The following PDSS1 variants were observed in gnomAD, a reference collection of about 807,000 sequenced individuals.
PDSS1 encodes all trans-polyprenyl-diphosphate synthase PDSS1.
Under a neutral mutation model 57.5 loss-of-function variants are expected in PDSS1, and 43 were observed. The observed-to-expected ratio is 0.75, with a 90% CI of 0.59 to 0.96. The LOEUF (loss-of-function observed/expected upper bound fraction) is 0.96, where lower values mean the gene tolerates loss of function less well. PDSS1 is among the 50% of genes least tolerant of loss of function. The pLI, the probability that PDSS1 is intolerant of heterozygous loss-of-function variation, is 0.00. For synonymous variants in PDSS1, 175 were observed against 191.3 expected (o/e 0.91, Z 0.70); for missense variants, 438 against 527.8 (o/e 0.83, Z 1.67).
At chr10:26,708,200 G>C (rs1564418720) in intron 4 of PDSS1, among the ~76,000 whole-genome samples, 1 of 152,158 alleles carries the variant, frequency 6.6e-6, no homozygotes, top group Non-Finnish European at 1.5e-5. Flanking sequence ...GCACTAAGTC[G>C]GTAATTTACT....
At chr10:26,733,321 CT>C (rs1373658777) in intron 8 of PDSS1, among the ~76,000 whole-genome samples, 1 of 152,152 alleles carries the variant, frequency 6.6e-6, no homozygotes, top group Non-Finnish European at 1.5e-5. Flanking sequence ...ATCTTAGCTT[CT>C]CTCGAAAGTT....
At chr10:26,704,076 C>A (rs1430184114) in intron 2 of PDSS1, among the ~76,000 whole-genome samples, 2 of 15,206 alleles carry the variant, frequency 1.3e-4, no homozygotes, top group Non-Finnish European at 2.8e-4. Context: ...AACGAGACTC[C>A]GTCTCACAAA....
intron 6 of PDSS1, 109 bp downstream of exon 6, chr10:26,720,468 T>G: frequency 1.3e-6 from 1 of 794,114 alleles, no homozygotes; most frequent in East Asian, 2.4e-5. Context: ...TCAAATGTAA[T>G]GTGGTCTTCT....
intron 8 of PDSS1, 66 bp downstream of exon 8, chr10:26,724,189 A>G: frequency 1.8e-6 from 2 of 1,132,252 alleles, no homozygotes; most frequent in Non-Finnish European, 2.7e-6. Context: ...TAATTTTCCT[A>G]GAAAATATTT....
rs144094307 is a variant in PDSS1, at chr10:26,746,581, A to AAGAT, written c.*110_*113dup. ...TGCAGATAACCAAAAATCATTTTAA[A>AAGAT]AGATATCAAACTTATTGATGGGCAA... On this transcript the variant is annotated 3_prime_UTR_variant, in exon 12 of 12. Coordinates refer to ENST00000376215, the MANE Select transcript of PDSS1 (RefSeq NM_014317.5). 1,412 of 1,235,228 alleles carry AAGAT rather than the reference A, an allele frequency of 1.1e-3. 11 individuals carry two copies. In the African/African-American group the frequency reaches 0.019, roughly 17 times the overall value. The allele number at this position is 1,235,228 out of a possible 1,614,324, so 76.5% of individuals were successfully genotyped here. A position where few individuals can be genotyped will look rare whatever the true frequency, so the allele number is the denominator to read the frequency against.
chr10:26,720,339 A>G lies in PDSS1; in HGVS notation c.589A>G (p.Lys197Glu), dbSNP rs116424900. Residue 197 changes from lysine (K) to glutamate (E), a missense_variant, in exon 6 of 12, where the codon AAG becomes GAG. Around this residue, in one of 2 missense-constraint regions of PDSS1, gnomAD observed 284 missense variants for 390.7 expected, o/e 0.73. Transcript: ENST00000376215. ...TCGAAGAGGAAAACACACAGTTAAT[A>G]AGATCTGGGGTGAAAAGAAGGTATG... ...SSRRGKHTVN[K>E]IWGEKKAVLA... The G allele has an allele frequency of 2.0e-3, 3,173 of 1,612,602 alleles. 5 individuals carry two copies. The highest frequency in any genetic ancestry group is 3.9e-3 in the Admixed American group (234 of 60,022).
chr10:26,719,313 A>G (rs908413843), intron 5 of PDSS1, among the ~76,000 whole-genome samples: 1 of 152,216 alleles, frequency 6.6e-6, no homozygotes, highest in South Asian at 2.1e-4. Context: ...TGTAAAATTT[A>G]TATCTGTGTC....
Position 26,720,412 on chromosome 10 carries a change from G to A in PDSS1, c.609+53G>A, listed in dbSNP as rs572597825. The A allele has an allele frequency of 3.5e-5, 40 of 1,156,152 alleles. 1 individual carries two copies. The highest frequency in any genetic ancestry group is 4.9e-5 in the South Asian group (4 of 81,686). 71.6% of individuals were successfully genotyped at this position (1,156,152 alleles called of 1,614,324 possible). ...TCTCTTACTGAATCACACACTTTTC[G>A]GACCGCATTTGTTTCTCAGATTTGT... On this transcript the variant is annotated intron_variant, in intron 6 of 11. Coordinates refer to ENST00000376215, the MANE Select transcript of PDSS1 (RefSeq NM_014317.5).
At chr10:26,698,047 C>T (rs1230639061) in intron 1 of PDSS1, among the ~76,000 whole-genome samples, 2 of 151,826 alleles carry the variant, frequency 1.3e-5, no homozygotes, top group African/African-American at 2.4e-5. Context: ...TAGGGGCGCC[C>T]TACACGGGGT....
At chr10:26,721,445 CACACATACATAT>C (rs1184237115) in intron 6 of PDSS1, among the ~76,000 whole-genome samples, 29 of 151,946 alleles carry the variant, frequency 1.9e-4, no homozygotes, top group Non-Finnish European at 4.0e-4. Context: ...CACACACACA[CACACATACATAT>C]ATATATGTTT....
At chr10:26,741,763 ATC>A (rs1380412792) in intron 10 of PDSS1, among the ~76,000 whole-genome samples, 3 of 152,204 alleles carry the variant, frequency 2.0e-5, no homozygotes, top group Admixed American at 6.5e-5. Flanking sequence ...AGATGGTGGC[ATC>A]TGTTAGAAAT....
intron 5 of PDSS1, among the ~76,000 whole-genome samples, chr10:26,714,119 C>G (rs1353425181): frequency 2.6e-5 from 4 of 152,102 alleles, no homozygotes; most frequent in Non-Finnish European, 5.9e-5. Flanking sequence ...CCTGCAGAAC[C>G]TAACTTGCAA....
chr10:26,737,277 G>C (rs985851244), intron 10 of PDSS1, among the ~76,000 whole-genome samples: 1 of 152,192 alleles, frequency 6.6e-6, no homozygotes, highest in Non-Finnish European at 1.5e-5. Flanking sequence ...GGTGAGAGGA[G>C]GCTGGCCTCT....
chr10:26,708,120 C>A (rs142994066), intron 4 of PDSS1, among the ~76,000 whole-genome samples: 1 of 152,340 alleles, frequency 6.6e-6, no homozygotes, highest in Non-Finnish European at 1.5e-5. Context: ...CCCATCTAGA[C>A]CCTGAGCTCC....
intron 11 of PDSS1, among the ~76,000 whole-genome samples, chr10:26,745,704 G>A (rs916484877): frequency 1.8e-4 from 28 of 151,924 alleles, no homozygotes; most frequent in Admixed American, 6.6e-4. Flanking sequence ...AAAATTAGCC[G>A]GGCATGGTGG....
chr10:26,726,797 C>G (rs1835961517), intron 8 of PDSS1, among the ~76,000 whole-genome samples: 1 of 152,120 alleles, frequency 6.6e-6, no homozygotes, highest in Non-Finnish European at 1.5e-5. Flanking sequence ...CACGGTGGCT[C>G]ACACCTGTAA....
chr10:26,699,717 G>T (rs1434237473), intron 1 of PDSS1, among the ~76,000 whole-genome samples: 2 of 152,070 alleles, frequency 1.3e-5, no homozygotes, highest in African/African-American at 4.8e-5. Flanking sequence ...TTTTAAAAAA[G>T]TTTCTTGCCC....
chr10:26,731,855 G>A (rs188842677), intron 8 of PDSS1, among the ~76,000 whole-genome samples: 50 of 152,250 alleles, frequency 3.3e-4, no homozygotes, highest in African/African-American at 1.1e-3. Context: ...GCAGTGGCAC[G>A]ATCTCGGCTC....
At position 26,735,513 on chromosome 10, in the gene PDSS1, C is replaced by G; in HGVS notation, c.960C>G (p.Gly320=). The G allele has an allele frequency of 6.2e-7, 1 of 1,613,948 alleles. No individual in the cohort carries two copies. The highest frequency in any genetic ancestry group is 8.5e-7 in the Non-Finnish European group (1 of 1,179,838). ...LDFTSCSDQM[G]KPTSADLKLG... Reference sequence around the variant, plus strand: ...TCACCTCGTGTTCTGACCAGATGGGCAAACCAACATCAGCTGATCTGAAGC... The same window carrying G: ...TCACCTCGTGTTCTGACCAGATGGGGAAACCAACATCAGCTGATCTGAAGC... The change falls in exon 10 of 12, where the codon GGC becomes GGG. Residue 320 remains glycine (G), a synonymous_variant. Coordinates refer to ENST00000376215, the MANE Select transcript of PDSS1 (RefSeq NM_014317.5).
Sources: allele counts gnomAD v4.1 joint callset (sites outside exome capture counted in the v4.1 genomes callset), GRCh38; gene constraint gnomAD v4.1.1; regional missense constraint gnomAD v4.1.1; transcripts MANE v1.5; gene names NCBI Gene and HGNC (gene_info 2026-07-23, HGNC 2026-07-21).